ENOX1: variants seen among roughly 807,000 people sequenced by gnomAD.
ENOX1 encodes the protein ecto-NOX disulfide-thiol exchanger 1.
A neutral mutation model predicts 82.5 loss-of-function variants in ENOX1; 42 were observed. The observed-to-expected ratio is 0.51, with a 90% confidence interval of 0.40 to 0.66. The LOEUF (loss-of-function observed/expected upper bound fraction) is 0.66. Ranked by LOEUF, ENOX1 falls within the 30% of genes least tolerant of loss-of-function variation. The pLI is 0.00. For synonymous variants in ENOX1, 271 were observed against 282.2 expected (o/e 0.96, Z 0.40); for missense variants, 608 against 811.6 (o/e 0.75, Z 3.05).
At chr13:43,543,133 G>T (rs1309678573) in intron 2 of ENOX1, among the ~76,000 whole-genome samples, 1 of 152,124 alleles carries the variant, frequency 6.6e-6, no homozygotes, top group Non-Finnish European at 1.5e-5. Flanking sequence ...TACACATGGG[G>T]ACATGGAATG....
At chr13:43,445,382 C>T (rs981443895) in intron 3 of ENOX1, among the ~76,000 whole-genome samples, 4 of 152,094 alleles carry the variant, frequency 2.6e-5, no homozygotes, top group South Asian at 4.1e-4. Context: ...CTTGGCCTCC[C>T]AAAGTGCTGG....
chr13:43,286,816 T>A (rs1670811719), intron 12 of ENOX1, among the ~76,000 whole-genome samples: 1 of 152,218 alleles, frequency 6.6e-6, no homozygotes, highest in Non-Finnish European at 1.5e-5. Context: ...CTTTCGCAGG[T>A]TCTTGCTCTG....
Position 43,344,692 on chromosome 13 carries a change from T to C in ENOX1, c.882A>G (p.Glu294=), listed in dbSNP as rs759542161. ...TVLLSWIERG[E]VNRRSANQFY... ...ACTGGTTTGCAGAGCGCCGATTCACTTCCCCTCGTTCAATCCAGGAAAGCA... is the reference window on the plus strand; with the variant it reads ...ACTGGTTTGCAGAGCGCCGATTCACCTCCCCTCGTTCAATCCAGGAAAGCA... Residue 294 remains glutamate (E), a synonymous_variant, in exon 9 of 17, where the codon GAA becomes GAG. Transcript: ENST00000690772. 1 of 1,614,180 alleles carries C rather than the reference T, an allele frequency of 6.2e-7. No homozygotes were observed. Among genetic ancestry groups the C allele is most frequent in the South Asian group, 1.1e-5 (1 of 91,082 alleles).
At chr13:43,657,816 AAC>A (rs1373751469) in intron 2 of ENOX1, among the ~76,000 whole-genome samples, 1 of 152,242 alleles carries the variant, frequency 6.6e-6, no homozygotes, top group Admixed American at 6.5e-5. Flanking sequence ...TCTAACAATA[AAC>A]ACACAGTTTA....
At chr13:43,657,102 C>T (rs756987987) in intron 2 of ENOX1, among the ~76,000 whole-genome samples, 16 of 151,892 alleles carry the variant, frequency 1.1e-4, no homozygotes, top group Non-Finnish European at 2.1e-4. Context: ...GTATAGTCCA[C>T]ATTTTGTCAT....
intron 2 of ENOX1, among the ~76,000 whole-genome samples, chr13:43,527,885 C>G (rs936485189): frequency 3.9e-5 from 6 of 152,082 alleles, no homozygotes; most frequent in African/African-American, 1.4e-4. Context: ...TTTCAAACAT[C>G]TAATTAAGTA....
At chr13:43,513,769 A>G (rs2077459178) in intron 2 of ENOX1, among the ~76,000 whole-genome samples, 1 of 152,302 alleles carries the variant, frequency 6.6e-6, no homozygotes, top group East Asian at 1.9e-4. Flanking sequence ...TTTAAAATCA[A>G]TAAAAAAGGA....
Position 43,344,631 on chromosome 13 carries a change from G to C in ENOX1, c.943C>G (p.Arg315Gly). The change falls in exon 9 of 17, where the codon CGC becomes GGC. Residue 315 changes from arginine (R) to glycine (G), a missense_variant. Coordinates refer to ENST00000690772, the MANE Select transcript of ENOX1 (RefSeq NM_001347969.2). ...SMVQSANSHV[R>G]RLMNEKATHE... ...GTGGCTTTTTCATTCATTAGCCGGC[G>C]GACGTGGCTGTTGGCCGACTGCACC... 6.2e-7 allele frequency: 1 copy of C among 1,614,000 alleles called. No individual in the cohort carries two copies. Among genetic ancestry groups the C allele is most frequent in the East Asian group, 2.2e-5 (1 of 44,866 alleles).
intron 2 of ENOX1, among the ~76,000 whole-genome samples, chr13:43,591,961 CCA>C (rs1207389376): frequency 6.6e-6 from 1 of 151,828 alleles, no homozygotes; most frequent in Non-Finnish European, 1.5e-5. Context: ...TCACAGCAGC[CCA>C]CACACGACTC....
intron 14 of ENOX1, among the ~76,000 whole-genome samples, chr13:43,244,747 A>G (rs1016003027): frequency 2.6e-5 from 4 of 152,136 alleles, no homozygotes; most frequent in Admixed American, 6.5e-5. Context: ...GACAAGATCT[A>G]TGTGGTAAAG....
intron 2 of ENOX1, among the ~76,000 whole-genome samples, chr13:43,498,592 T>C (rs1338472166): frequency 2.0e-5 from 3 of 151,744 alleles, no homozygotes; most frequent in African/African-American, 7.3e-5. Context: ...AATCAATAAA[T>C]GGGTGAGAAA....
At chr13:43,608,436 T>C (rs1173895215) in intron 2 of ENOX1, among the ~76,000 whole-genome samples, 3 of 152,210 alleles carry the variant, frequency 2.0e-5, no homozygotes, top group African/African-American at 7.2e-5. Flanking sequence ...AAACTCATCT[T>C]TCTAGAATAC....
intron 5 of ENOX1, among the ~76,000 whole-genome samples, chr13:43,378,432 G>A (rs1188366989): frequency 6.6e-6 from 1 of 152,198 alleles, no homozygotes; most frequent in Non-Finnish European, 1.5e-5. Context: ...ACTAATCAGT[G>A]TATGTGTGTG....
At chr13:43,706,569 C>A (rs2087303386) in intron 1 of ENOX1, among the ~76,000 whole-genome samples, 1 of 151,316 alleles carries the variant, frequency 6.6e-6, no homozygotes, top group Non-Finnish European at 1.5e-5. Context: ...GGTATTTTTC[C>A]CAAAAATACA....
At chr13:43,419,036 G>A (rs1388987223) in intron 3 of ENOX1, among the ~76,000 whole-genome samples, 1 of 152,026 alleles carries the variant, frequency 6.6e-6, no homozygotes, top group Non-Finnish European at 1.5e-5. Flanking sequence ...AACTTAGCTG[G>A]GTATGGTGGC....
chr13:43,217,289 A>C (rs968044651), intron 16 of ENOX1, among the ~76,000 whole-genome samples: 9 of 152,230 alleles, frequency 5.9e-5, no homozygotes, highest in Admixed American at 5.2e-4. Context: ...AACAGCAAAA[A>C]ACTGAAAATT....
At chr13:43,559,915 G>A (rs1426680061) in intron 2 of ENOX1, among the ~76,000 whole-genome samples, 2 of 152,100 alleles carry the variant, frequency 1.3e-5, no homozygotes, top group East Asian at 3.9e-4. Context: ...TAAAAGTAAG[G>A]TATGATTAAA....
At chr13:43,504,613 T>A (rs2077087748) in intron 2 of ENOX1, among the ~76,000 whole-genome samples, 1 of 151,498 alleles carries the variant, frequency 6.6e-6, no homozygotes, top group South Asian at 2.1e-4. Flanking sequence ...GAATCTAAAA[T>A]AATCAAACTC....
intron 3 of ENOX1, among the ~76,000 whole-genome samples, chr13:43,416,313 G>A (rs867404518): frequency 6.4e-3 from 934 of 145,748 alleles, no homozygotes; most frequent in African/African-American, 0.023. Flanking sequence ...CTTCCCAGAC[G>A]GGGCGGCCGG....
Sources: gnomAD v4.1 joint callset for allele counts (sites outside exome capture counted in the v4.1 genomes callset) on GRCh38, gnomAD v4.1.1 for gene constraint, MANE v1.5 for transcripts, NCBI Gene and HGNC (gene_info 2026-07-23, HGNC 2026-07-21) for gene names.